Variants in AHCYL2 observed in about 807,000 individuals in gnomAD.
The protein encoded by AHCYL2 is adenosylhomocysteinase like 2, also known as S-adenosylhomocysteine hydrolase-like protein 2.
AHCYL2 carries 28 observed loss-of-function variants against 81.4 expected under a neutral mutation model. The ratio of observed to expected loss-of-function variants is 0.34; its 90% confidence interval spans 0.25 to 0.47. The LOEUF (loss-of-function observed/expected upper bound fraction) is 0.47, where lower values mean the gene tolerates loss of function less well. AHCYL2 is among the 20% of genes least tolerant of loss of function. The pLI, the probability that AHCYL2 is intolerant of heterozygous loss-of-function variation, is 1.00. For missense variants in AHCYL2, 551 were observed against 785.1 expected (o/e 0.70, Z 3.56); for synonymous variants, 272 against 290.2 (o/e 0.94, Z 0.64).
At chr7:129,377,147 A>G (rs1338641644) in intron 1 of AHCYL2, among the ~76,000 whole-genome samples, 2 of 152,174 alleles carry the variant, frequency 1.3e-5, no homozygotes, top group African/African-American at 2.4e-5. Context: ...TTCTCCCTTT[A>G]TGAGCCTATA....
At chr7:129,243,358 T>C (rs926860227) in intron 1 of AHCYL2, among the ~76,000 whole-genome samples, 2 of 151,898 alleles carry the variant, frequency 1.3e-5, no homozygotes, top group African/African-American at 4.8e-5. Context: ...CAGATATGTG[T>C]GTGTGTTGAA....
intron 1 of AHCYL2, among the ~76,000 whole-genome samples, chr7:129,299,124 G>T (rs552228746): frequency 9.3e-4 from 141 of 151,456 alleles, no homozygotes; most frequent in African/African-American, 2.3e-3. Flanking sequence ...TGACATTTTT[G>T]GGGGGAGAAT....
intron 1 of AHCYL2, among the ~76,000 whole-genome samples, chr7:129,336,215 A>G (rs1353350777): frequency 1.3e-5 from 2 of 151,684 alleles, no homozygotes; most frequent in East Asian, 1.9e-4. Flanking sequence ...TTACAGGTGC[A>G]TGCCACCATG....
chr7:129,240,502 A>G (rs968860570), intron 1 of AHCYL2, among the ~76,000 whole-genome samples: 6 of 152,134 alleles, frequency 3.9e-5, no homozygotes, highest in Non-Finnish European at 8.8e-5. Flanking sequence ...ATGAAGCAAA[A>G]ACAGACGGGC....
chr7:129,252,270 A>G (rs183606503), intron 1 of AHCYL2, among the ~76,000 whole-genome samples: 2 of 152,354 alleles, frequency 1.3e-5, no homozygotes, highest in Admixed American at 1.3e-4. Context: ...TCCTTTGGAA[A>G]GATCCCAAGG....
intron 1 of AHCYL2, among the ~76,000 whole-genome samples, chr7:129,319,734 T>C (rs2150786207): frequency 6.6e-6 from 1 of 152,354 alleles, no homozygotes. Flanking sequence ...TGAGATTCAT[T>C]CACGTTACAG....
intron 1 of AHCYL2, among the ~76,000 whole-genome samples, chr7:129,353,917 A>G (rs1041398942): frequency 1.3e-5 from 2 of 152,038 alleles, no homozygotes; most frequent in African/African-American, 2.4e-5. Context: ...GTATAATATC[A>G]GAAAAGCCAA....
chr7:129,230,215 T>C (rs765600795), intron 1 of AHCYL2, among the ~76,000 whole-genome samples: 3 of 151,590 alleles, frequency 2.0e-5, no homozygotes, highest in Admixed American at 6.6e-5. Context: ...CCTGAGTAGC[T>C]GGGACTACAG....
At chr7:129,261,588 C>A (rs10257620) in intron 1 of AHCYL2, among the ~76,000 whole-genome samples, 98,181 of 152,028 alleles carry the variant, frequency 0.65, 32,373 homozygotes, top group Middle Eastern at 0.73. Flanking sequence ...CTTGGTGAAC[C>A]CCATTCTGAC....
intron 5 of AHCYL2, among the ~76,000 whole-genome samples, chr7:129,397,567 CTTTGT>C (rs543279896): frequency 5.3e-5 from 8 of 152,160 alleles, no homozygotes; most frequent in Non-Finnish European, 1.0e-4. Flanking sequence ...TTAGGTAATG[CTTTGT>C]TTTAACTCAC....
At chr7:129,233,018 A>G (rs1349018000) in intron 1 of AHCYL2, among the ~76,000 whole-genome samples, 2 of 152,204 alleles carry the variant, frequency 1.3e-5, no homozygotes, top group Non-Finnish European at 2.9e-5. Flanking sequence ...GCTGGCACTC[A>G]TGGAGCTGAG....
intron 1 of AHCYL2, chr7:129,351,581 G>C (rs919809909): frequency 1.3e-5 from 2 of 152,212 alleles, no homozygotes; most frequent in Admixed American, 6.5e-5. Flanking sequence ...GGCAATGGTA[G>C]AGGCTATGGA....
intron 1 of AHCYL2, among the ~76,000 whole-genome samples, chr7:129,264,574 C>G (rs1042311825): frequency 6.6e-6 from 1 of 152,118 alleles, no homozygotes; most frequent in East Asian, 1.9e-4. Context: ...ATTAAACAAG[C>G]AAGCTAAAAA....
chr7:129,235,041 T>A (rs1794592500), intron 1 of AHCYL2, among the ~76,000 whole-genome samples: 1 of 152,224 alleles, frequency 6.6e-6, no homozygotes, highest in Admixed American at 6.5e-5. Context: ...TGCTATAATA[T>A]TCTGTTTAAC....
intron 1 of AHCYL2, among the ~76,000 whole-genome samples, chr7:129,340,607 T>C (rs1793145353): frequency 6.6e-6 from 1 of 152,092 alleles, no homozygotes; most frequent in African/African-American, 2.4e-5. Context: ...TGTCGTTTTA[T>C]CTACTGTTTA....
intron 1 of AHCYL2, among the ~76,000 whole-genome samples, chr7:129,286,914 ATTTAT>A (rs1796654903): frequency 6.6e-6 from 1 of 152,202 alleles, no homozygotes; most frequent in South Asian, 2.1e-4. Flanking sequence ...GCCATGTGTT[ATTTAT>A]TTTAAATGGA....
At chr7:129,266,527 C>A (rs1584722102) in intron 1 of AHCYL2, among the ~76,000 whole-genome samples, 1 of 151,790 alleles carries the variant, frequency 6.6e-6, no homozygotes, top group African/African-American at 2.4e-5. Context: ...GAAACTCCGT[C>A]CCCCGCCAAA....
chr7:129,278,315 ATCC>A (rs1341675010), intron 1 of AHCYL2, among the ~76,000 whole-genome samples: 1 of 152,004 alleles, frequency 6.6e-6, no homozygotes, highest in Non-Finnish European at 1.5e-5. Flanking sequence ...GGTTCAAGTG[ATCC>A]TCCTCCATCA....
intron 4 of AHCYL2, 140 bp from the exon 5 acceptor site, chr7:129,397,082 G>A (rs1795780256): frequency 1.6e-6 from 1 of 634,854 alleles, no homozygotes; most frequent in Non-Finnish European, 2.6e-6. Flanking sequence ...ATACTGAAGA[G>A]GTTCTGTAGA....
Sources: allele counts gnomAD v4.1 joint callset (sites outside exome capture counted in the v4.1 genomes callset), GRCh38; gene constraint gnomAD v4.1.1; transcripts MANE v1.5; gene names NCBI Gene and HGNC (gene_info 2026-07-23, HGNC 2026-07-21).